SCFD2: variants seen among roughly 807,000 people sequenced by gnomAD.
SCFD2 encodes sec1 family domain-containing protein 2.
Under a neutral mutation model 58.9 loss-of-function variants are expected in SCFD2, and 54 were observed. The observed-to-expected ratio is 0.92, with a 90% CI of 0.74 to 1.15. The LOEUF (loss-of-function observed/expected upper bound fraction) is 1.15. Ranked by LOEUF, SCFD2 falls within the 50% of genes most tolerant of loss-of-function variation. SCFD2 has a pLI of 0.00. For synonymous variants in SCFD2, 321 were observed against 335.9 expected, an observed-to-expected ratio of 0.96 and a Z score of 0.49; for missense variants, 805 against 836.6, an observed-to-expected ratio of 0.96 and a Z score of 0.47.
intron 4 of SCFD2, among the ~76,000 whole-genome samples, chr4:53,178,599 C>T (rs1172819119): frequency 6.6e-6 from 1 of 152,186 alleles, no homozygotes; most frequent in Non-Finnish European, 1.5e-5. Flanking sequence ...CGCCTATCCT[C>T]CTCCAAAGGA....
intron 4 of SCFD2, among the ~76,000 whole-genome samples, chr4:53,172,830 T>C (rs895225741): frequency 6.6e-5 from 10 of 152,236 alleles, no homozygotes; most frequent in Non-Finnish European, 1.5e-4. Context: ...CTGCAGGTAA[T>C]GTCCTATGTA....
chr4:53,275,816 T>C (rs763581940), intron 3 of SCFD2, among the ~76,000 whole-genome samples: 36 of 152,312 alleles, frequency 2.4e-4, no homozygotes, highest in Non-Finnish European at 3.4e-4. Context: ...CACTGAACCA[T>C]AATGTATCTG....
rs1322274567 is a variant in SCFD2, at chr4:52,907,552, T to C, written c.1747A>G (p.Ile583Val). The C allele has an allele frequency of 2.5e-6, 4 of 1,613,972 alleles. No homozygotes were observed. The highest frequency in any genetic ancestry group is 2.5e-6 in the Non-Finnish European group (3 of 1,179,966). Residue 583 changes from isoleucine to valine, a missense_variant, in exon 7 of 9, where the codon ATA becomes GTA. Physicochemically the swap from Ile to Val is conservative, Grantham distance 29 (BLOSUM62 3). Transcript: ENST00000401642. ...KPLLKQVVEE[I>V]FHPERPDSVD... The stretch of plus-strand genomic sequence containing the variant: ...GAATCTGGCCTCTCGGGATGAAATA[T>C]TTCCTCCACAACTTGCTTCAACAAT...
chr4:52,906,818 T>C (rs1278309351), intron 7 of SCFD2, among the ~76,000 whole-genome samples: 1 of 152,218 alleles, frequency 6.6e-6, no homozygotes, highest in Non-Finnish European at 1.5e-5. Flanking sequence ...TGGCATGGAC[T>C]GAGAGGTCAG....
chr4:52,900,557 A>G (rs1177967228), intron 7 of SCFD2, among the ~76,000 whole-genome samples: 1 of 152,160 alleles, frequency 6.6e-6, no homozygotes, highest in Non-Finnish European at 1.5e-5. Context: ...CCCTACTGGG[A>G]GGTGCCTCCC....
At chr4:53,022,570 A>G (rs936727494) in intron 5 of SCFD2, among the ~76,000 whole-genome samples, 2 of 152,190 alleles carry the variant, frequency 1.3e-5, no homozygotes, top group African/African-American at 4.8e-5. Context: ...AGTCTAAGAG[A>G]GAAAGTTTAG....
chr4:53,058,040 T>C (rs1290498148), intron 5 of SCFD2, among the ~76,000 whole-genome samples: 3 of 152,100 alleles, frequency 2.0e-5, no homozygotes, highest in South Asian at 2.1e-4. Flanking sequence ...GCAACTTCCA[T>C]TGTAAATAAG....
chr4:53,036,441 C>T (rs759021514), intron 5 of SCFD2, among the ~76,000 whole-genome samples: 24 of 150,876 alleles, frequency 1.6e-4, no homozygotes, highest in South Asian at 2.1e-4. Context: ...TTGGAACCAA[C>T]GCAAATGTCC....
chr4:53,296,141 G>C (rs1299146852), intron 3 of SCFD2, among the ~76,000 whole-genome samples: 4 of 152,204 alleles, frequency 2.6e-5, no homozygotes, highest in African/African-American at 9.6e-5. Context: ...TCAGGATGAT[G>C]CTGGCCTCAT....
At chr4:53,305,536 G>T (rs573214137) in intron 3 of SCFD2, among the ~76,000 whole-genome samples, 1 of 152,218 alleles carries the variant, frequency 6.6e-6, no homozygotes, top group Non-Finnish European at 1.5e-5. Flanking sequence ...CATTAGACAT[G>T]TGCAAAGATG....
intron 5 of SCFD2, among the ~76,000 whole-genome samples, chr4:53,130,867 C>A (rs1367067197): frequency 6.6e-6 from 1 of 152,084 alleles, no homozygotes; most frequent in Non-Finnish European, 1.5e-5. Flanking sequence ...ACTAAAAATG[C>A]AGAGAATATA....
intron 5 of SCFD2, among the ~76,000 whole-genome samples, chr4:53,097,855 T>A (rs1349732853): frequency 6.6e-6 from 1 of 152,238 alleles, no homozygotes; most frequent in Non-Finnish European, 1.5e-5. Context: ...TGTGGGTTTG[T>A]CATAAATAGC....
chr4:53,200,137 G>A (rs762741292), intron 4 of SCFD2, among the ~76,000 whole-genome samples: 13 of 152,014 alleles, frequency 8.6e-5, no homozygotes, highest in Non-Finnish European at 1.6e-4. Context: ...TTCAGCATAC[G>A]GGTTTTGGCA....
intron 5 of SCFD2, among the ~76,000 whole-genome samples, chr4:53,026,389 A>C (rs753726602): frequency 6.6e-6 from 1 of 152,216 alleles, no homozygotes; most frequent in Non-Finnish European, 1.5e-5. Flanking sequence ...TGCCTGGTAC[A>C]TGGTTGACAT....
chr4:53,319,554 AAGG>A (rs895166695), intron 2 of SCFD2, among the ~76,000 whole-genome samples: 5 of 26,456 alleles, frequency 1.9e-4, no homozygotes, highest in Non-Finnish European at 4.3e-4. Context: ...TTTTTTTTAG[AAGG>A]AGTCTCGCTC....
At chr4:53,277,223 T>C (rs1210616194) in intron 3 of SCFD2, among the ~76,000 whole-genome samples, 1 of 152,224 alleles carries the variant, frequency 6.6e-6, no homozygotes, top group Non-Finnish European at 1.5e-5. Flanking sequence ...TACGTGTCAT[T>C]CTCTCTAAAG....
chr4:53,159,054 T>A (rs1726775607), intron 4 of SCFD2, among the ~76,000 whole-genome samples: 1 of 152,214 alleles, frequency 6.6e-6, no homozygotes, highest in Admixed American at 6.5e-5. Flanking sequence ...CTTCTAAGAC[T>A]GAAAAATCCT....
rs1489687831 is a variant in SCFD2 at position 53,365,796 on chromosome 4, A to C, written c.146T>G (p.Val49Gly). Residue 49 changes from valine (V) to glycine (G), a missense_variant, in exon 1 of 9, where the codon GTG (valine) becomes GGG (glycine). By Grantham distance (109) the Val-to-Gly change is moderately radical. Coordinates refer to ENST00000401642, the MANE Select transcript of SCFD2 (RefSeq NM_152540.4). The surrounding 1 kb of genome is among the most constrained non-coding windows in gnomAD (Gnocchi z 4.3). Reference sequence around the variant, plus strand: ...TCGCAGGTGACAGTCAGGACCCCCCACCGCCTCCAGGAGACGGGTGGATCC... The same window carrying C: ...TCGCAGGTGACAGTCAGGACCCCCCCCCGCCTCCAGGAGACGGGTGGATCC... ...GCGSTRLLEA[V>G]GGPDCHLREF... The C allele has an allele frequency of 6.2e-7, 1 of 1,613,260 alleles. No homozygotes were observed. The highest frequency in any genetic ancestry group is 2.2e-5 in the East Asian group (1 of 44,838).
chr4:52,988,722 T>G (rs1721553519), intron 5 of SCFD2, among the ~76,000 whole-genome samples: 1 of 152,222 alleles, frequency 6.6e-6, no homozygotes, highest in African/African-American at 2.4e-5. Context: ...GTACTTGTTT[T>G]CACTGAGGTA....
Sources: allele counts gnomAD v4.1 joint callset (sites outside exome capture counted in the v4.1 genomes callset), GRCh38; gene constraint gnomAD v4.1.1; non-coding constraint Gnocchi (gnomAD v3.1); transcripts MANE v1.5; gene names NCBI Gene and HGNC (gene_info 2026-07-23, HGNC 2026-07-21).